CPAMD8: variants seen among roughly 807,000 people sequenced by gnomAD.
CPAMD8 encodes the protein C3 and PZP-like alpha-2-macroglobulin domain-containing protein 8.
In CPAMD8, 146 loss-of-function variants were observed where a neutral mutation model predicts 224.7. The observed-to-expected ratio is 0.65, with a 90% confidence interval of 0.57 to 0.75. The LOEUF (loss-of-function observed/expected upper bound fraction) is 0.75. CPAMD8 is among the 30% of genes least tolerant of loss of function. The probability of loss-of-function intolerance (pLI) is 0.00; values close to 1 mark genes in which losing one functional copy is unlikely to be tolerated. For synonymous variants in CPAMD8, 966 were observed against 1,044.6 expected (o/e 0.92, Z 1.45); for missense variants, 2,301 against 2,537.5 (o/e 0.91, Z 2.00).
At chr19:17,018,251 T>C (rs1426798263) in intron 3 of CPAMD8, among the ~76,000 whole-genome samples, 1 of 152,172 alleles carries the variant, frequency 6.6e-6, no homozygotes, top group Non-Finnish European at 1.5e-5. Flanking sequence ...ATGCCGCAAT[T>C]CCAGGGCTTA....
chr19:16,941,191 C>G (rs2053876905), intron 22 of CPAMD8, among the ~76,000 whole-genome samples: 1 of 152,160 alleles, frequency 6.6e-6, no homozygotes, highest in South Asian at 2.1e-4. Context: ...CCTTGGCCTC[C>G]CAAAGTGCTG....
chr19:16,951,627 C>G (rs568150382), intron 20 of CPAMD8, among the ~76,000 whole-genome samples: 25 of 152,238 alleles, frequency 1.6e-4, no homozygotes, highest in Admixed American at 1.6e-3. Flanking sequence ...TCCAGGCACG[C>G]CCTTGCTAGG....
chr19:16,913,707 C>T (rs1477161275), intron 29 of CPAMD8, among the ~76,000 whole-genome samples: 1 of 152,132 alleles, frequency 6.6e-6, no homozygotes, highest in Non-Finnish European at 1.5e-5. Flanking sequence ...GCAAGGGGCC[C>T]TCTGGACATT....
At chr19:16,988,333 G>A (rs1036794169) in intron 13 of CPAMD8, among the ~76,000 whole-genome samples, 6 of 152,150 alleles carry the variant, frequency 3.9e-5, no homozygotes, top group African/African-American at 9.7e-5. Context: ...GCAACGAGCC[G>A]GGCGTGGTGG....
Position 16,997,324 on chromosome 19 carries a change from C to T in CPAMD8, c.882G>A (p.Arg294=), listed in dbSNP as rs1443043655. ...VLRTTKILGS[R]DFDICVRDMI... is the part of the protein sequence containing the mutation. ...TGTCCCTCACGCAGATGTCGAAGTC[C>T]CGGGAGCCGAGGATCTGGAGGGAGG... The change falls in exon 11 of 42, where the codon CGG becomes CGA. Residue 294 remains arginine (R), a synonymous_variant. Transcript: ENST00000443236. 4 of 1,579,096 alleles carry T rather than the reference C, an allele frequency of 2.5e-6. No individual in the cohort carries two copies. The highest frequency in any genetic ancestry group is 3.5e-6 in the Non-Finnish European group (4 of 1,157,508).
intron 12 of CPAMD8, among the ~76,000 whole-genome samples, chr19:16,990,453 G>A (rs2055899317): frequency 6.6e-6 from 1 of 152,042 alleles, no homozygotes; most frequent in Non-Finnish European, 1.5e-5. Flanking sequence ...GCTACTAGGG[G>A]AGGCTGAAGC....
At chr19:16,990,546 T>C (rs970352473) in intron 12 of CPAMD8, among the ~76,000 whole-genome samples, 10 of 151,970 alleles carry the variant, frequency 6.6e-5, no homozygotes, top group Non-Finnish European at 1.3e-4. Context: ...ACAACAGAGC[T>C]AGACCGTATC....
At chr19:16,976,176 A>G (rs1214066561) in intron 15 of CPAMD8, 25 bp from the exon 16 acceptor site, 1 of 1,598,390 alleles carries the variant, frequency 6.3e-7, no homozygotes, top group African/African-American at 1.3e-5. Flanking sequence ...AGCAAGGGAT[A>G]AGAAACTTGG....
intron 13 of CPAMD8, 34 bp downstream of exon 13, chr19:16,989,609 A>G (rs772080515): frequency 8.1e-6 from 13 of 1,602,484 alleles, no homozygotes; most frequent in South Asian, 2.2e-5. Flanking sequence ...TGGATCCCGC[A>G]TGGCCCAGGA....
rs555034027 is a variant in CPAMD8 at position 16,906,918 on chromosome 19, G to C, written c.4027+34C>G. 2.7e-5 allele frequency: 42 copies of C among 1,556,082 alleles called. No homozygotes were observed. In the South Asian group the frequency reaches 4.6e-4, roughly 17 times the overall value. ...CAGACTCCACAGTGGGCTTCCCGAC[G>C]CTGTGGCCTCTGGGGAGGGCCAGGG... On this transcript the variant is annotated intron_variant, in intron 30 of 41. Transcript: ENST00000443236.
intron 12 of CPAMD8, among the ~76,000 whole-genome samples, chr19:16,990,243 A>G (rs910664739): frequency 2.0e-5 from 3 of 151,536 alleles, no homozygotes; most frequent in Non-Finnish European, 4.4e-5. Context: ...ACAGAGCAAG[A>G]CTCTGACTCA....
At position 16,983,987 on chromosome 19, in the gene CPAMD8, C is replaced by T. The variant is rs539357158; in HGVS notation, c.1396-3301G>A. Among the ~76,000 whole-genome samples the T allele has an allele frequency of 2.6e-5, 4 of 152,062 alleles. No individual in the cohort carries two copies. The South Asian group carries it at 8.3e-4, about 32-fold the overall frequency. ...CTACAGTAATCAAGACAGTGTAGTA[C>T]CAGCATAAGGAGAGACATAGAAACC... On this transcript the variant is annotated intron_variant, in intron 13 of 41. Coordinates refer to ENST00000443236, the MANE Select transcript of CPAMD8 (RefSeq NM_015692.5).
intron 23 of CPAMD8, among the ~76,000 whole-genome samples, chr19:16,934,981 C>A (rs1336611710): frequency 6.6e-6 from 1 of 152,082 alleles, no homozygotes; most frequent in East Asian, 1.9e-4. Flanking sequence ...TCCCTATTCC[C>A]TCCTCCCCCA....
intron 13 of CPAMD8, among the ~76,000 whole-genome samples, chr19:16,983,329 G>A (rs1454635209): frequency 2.0e-5 from 3 of 152,162 alleles, no homozygotes; most frequent in Admixed American, 2.0e-4. Flanking sequence ...AACCTGAGAG[G>A]CAGAGGTTCC....
At chr19:17,003,125 A>G (rs1304298821) in intron 8 of CPAMD8, among the ~76,000 whole-genome samples, 1 of 147,200 alleles carries the variant, frequency 6.8e-6, no homozygotes, top group Admixed American at 6.8e-5. Context: ...CTGGTCTTGA[A>G]CTCCTGACCT....
intron 9 of CPAMD8, among the ~76,000 whole-genome samples, 166 bp downstream of exon 9, chr19:17,002,100 T>C (rs1250246040): frequency 7.1e-6 from 1 of 141,290 alleles, no homozygotes; most frequent in Non-Finnish European, 1.5e-5. Flanking sequence ...GGAGATGCAC[T>C]AGGGGAGGGG....
chr19:16,936,563 T>C (rs2053689773), intron 23 of CPAMD8, among the ~76,000 whole-genome samples: 2 of 152,124 alleles, frequency 1.3e-5, no homozygotes, highest in South Asian at 2.1e-4. Flanking sequence ...CCACCATGCC[T>C]GGCTAATTTT....
Position 16,902,324 on chromosome 19 carries a change from G to A in CPAMD8, c.4685+325C>T, listed in dbSNP as rs142404204. ...GAGGTCAGGAGTTCGAGACCAGCCT[G>A]GCCAACATGGTGAAACCCTGTATCT... On this transcript the variant is annotated intron_variant, in intron 35 of 41. Coordinates refer to ENST00000443236, the MANE Select transcript of CPAMD8 (RefSeq NM_015692.5). Among the ~76,000 whole-genome samples the A allele has an allele frequency of 8.5e-3, 1,301 of 152,238 alleles. 25 individuals carry two copies. The highest frequency in any genetic ancestry group is 0.03 in the African/African-American group (1,254 of 41,540).
chr19:16,988,564 C>T (rs904153519), intron 13 of CPAMD8, among the ~76,000 whole-genome samples: 8 of 151,752 alleles, frequency 5.3e-5, no homozygotes, highest in Non-Finnish European at 8.8e-5. Flanking sequence ...GAGCTGAGAT[C>T]GTGCCACTGC....
Sources: gnomAD v4.1 joint callset for allele counts (sites outside exome capture counted in the v4.1 genomes callset) on GRCh38, gnomAD v4.1.1 for gene constraint, MANE v1.5 for transcripts, NCBI Gene and HGNC (gene_info 2026-07-23, HGNC 2026-07-21) for gene names.